APBB2: variants seen among roughly 807,000 people sequenced by gnomAD.
APBB2 encodes amyloid beta precursor protein binding family B member 2.
A neutral mutation model predicts 82.5 loss-of-function variants in APBB2; 38 were observed. That is an observed-to-expected ratio of 0.46 (90% CI 0.36 to 0.60). The LOEUF is 0.60. Among genes scored for constraint, APBB2 ranks in the 20% least tolerant of loss-of-function variants. APBB2 has a pLI of 0.00. For synonymous variants in APBB2, 341 were observed against 368.2 expected (o/e 0.93, Z 0.85); for missense variants, 772 against 972.3 (o/e 0.79, Z 2.74).
At chr4:41,035,856 C>G (rs917625228) in intron 4 of APBB2, among the ~76,000 whole-genome samples, 1 of 152,060 alleles carries the variant, frequency 6.6e-6, no homozygotes, top group African/African-American at 2.4e-5. Flanking sequence ...TAAGTATTAT[C>G]AGTAATCTAG....
At chr4:41,122,722 G>A (rs1405016299) in intron 2 of APBB2, among the ~76,000 whole-genome samples, 2 of 152,150 alleles carry the variant, frequency 1.3e-5, no homozygotes, top group African/African-American at 4.8e-5. Flanking sequence ...ACAAGGCAGA[G>A]GATATATCTT....
At chr4:40,981,957 G>T (rs1209918364) in intron 6 of APBB2, among the ~76,000 whole-genome samples, 2 of 151,882 alleles carry the variant, frequency 1.3e-5, no homozygotes, top group Non-Finnish European at 2.9e-5. Flanking sequence ...AGGCCGAGAA[G>T]GGAGGATCAT....
chr4:40,897,907 T>C (rs1774151623), intron 10 of APBB2, among the ~76,000 whole-genome samples: 1 of 151,956 alleles, frequency 6.6e-6, no homozygotes, highest in African/African-American at 2.4e-5. Flanking sequence ...TCAAAGTATT[T>C]AATCAAGTCA....
chr4:40,890,530 A>C (rs1160944725), intron 11 of APBB2, 39 bp from the exon 12 acceptor site: 1 of 1,610,086 alleles, frequency 6.2e-7, no homozygotes, highest in Non-Finnish European at 8.5e-7. Context: ...TTCTTCATGC[A>C]GGCTGGAAAG....
At chr4:40,823,786 G>T (rs375564627) in intron 15 of APBB2, 27 bp from the exon 16 acceptor site, 31 of 1,517,698 alleles carry the variant, frequency 2.0e-5, no homozygotes, top group Non-Finnish European at 2.7e-5. Context: ...ATAATTTAAA[G>T]TGTCCTAAAG....
intron 2 of APBB2, among the ~76,000 whole-genome samples, chr4:41,112,008 G>A (rs935132706): frequency 6.6e-6 from 1 of 152,222 alleles, no homozygotes; most frequent in African/African-American, 2.4e-5. Context: ...CAGAACCACA[G>A]GAAAGTTGAA....
At chr4:41,092,793 C>A (rs569742466) in intron 3 of APBB2, among the ~76,000 whole-genome samples, 2 of 152,188 alleles carry the variant, frequency 1.3e-5, no homozygotes, top group South Asian at 4.2e-4. Context: ...AAAATATCAC[C>A]GGCCTCTGTT....
intron 10 of APBB2, among the ~76,000 whole-genome samples, chr4:40,896,742 A>C (rs1487315573): frequency 6.6e-6 from 1 of 152,216 alleles, no homozygotes; most frequent in East Asian, 1.9e-4. Context: ...TATTCAGAGC[A>C]GCTCCTTTTA....
intron 1 of APBB2, among the ~76,000 whole-genome samples, chr4:41,164,070 T>G (rs1173252478): frequency 6.6e-6 from 1 of 152,248 alleles, no homozygotes; most frequent in Non-Finnish European, 1.5e-5. Flanking sequence ...TGGAAATATC[T>G]GCATAAGGAA....
chr4:40,947,398 G>A (rs867328951), intron 6 of APBB2, among the ~76,000 whole-genome samples: 20 of 152,188 alleles, frequency 1.3e-4, no homozygotes, highest in East Asian at 3.8e-4. Context: ...AGACATTAGC[G>A]TGTATGAAGA....
chr4:40,934,015 C>T (rs963806807), intron 10 of APBB2, among the ~76,000 whole-genome samples: 6 of 152,136 alleles, frequency 3.9e-5, no homozygotes. Flanking sequence ...CCTAATTATC[C>T]AATCTGTGTT....
At chr4:40,897,069 G>T (rs1297885610) in intron 10 of APBB2, among the ~76,000 whole-genome samples, 1 of 152,182 alleles carries the variant, frequency 6.6e-6, no homozygotes, top group Non-Finnish European at 1.5e-5. Flanking sequence ...AACAAAGAAG[G>T]TAAAAAAGAA....
At chr4:40,834,313 C>T (rs576388379) in intron 12 of APBB2, among the ~76,000 whole-genome samples, 35 of 152,308 alleles carry the variant, frequency 2.3e-4, no homozygotes, top group African/African-American at 8.4e-4. Context: ...CCATTTCACT[C>T]TCATGTAACA....
At chr4:41,023,723 G>A (rs1195896291) in intron 5 of APBB2, among the ~76,000 whole-genome samples, 3 of 152,154 alleles carry the variant, frequency 2.0e-5, no homozygotes, top group Non-Finnish European at 4.4e-5. Flanking sequence ...CTCATGGGTA[G>A]GAAGAATTAA....
intron 12 of APBB2, among the ~76,000 whole-genome samples, chr4:40,846,602 A>C (rs1055773334): frequency 6.6e-6 from 1 of 152,208 alleles, no homozygotes; most frequent in Non-Finnish European, 1.5e-5. Context: ...TCTCTGACCA[A>C]GTGTGCCTTC....
At chr4:41,125,587 C>A (rs1754146389) in intron 2 of APBB2, among the ~76,000 whole-genome samples, 1 of 152,120 alleles carries the variant, frequency 6.6e-6, no homozygotes. Flanking sequence ...CTTGCCCTAC[C>A]CATTTTGAAA....
intron 12 of APBB2, among the ~76,000 whole-genome samples, chr4:40,847,821 T>C (rs532420650): frequency 2.3e-4 from 35 of 152,138 alleles, no homozygotes; most frequent in African/African-American, 8.2e-4. Flanking sequence ...TTTTTTTTTT[T>C]TAAGAGATGG....
At chr4:41,179,438 G>A (rs1770736591) in intron 1 of APBB2, among the ~76,000 whole-genome samples, 1 of 151,994 alleles carries the variant, frequency 6.6e-6, no homozygotes, top group Non-Finnish European at 1.5e-5. Context: ...AACATACACA[G>A]GTAAAGTATC....
chr4:40,861,605 C>A (rs1489094627), intron 12 of APBB2, among the ~76,000 whole-genome samples: 1 of 152,188 alleles, frequency 6.6e-6, no homozygotes, highest in Non-Finnish European at 1.5e-5. Flanking sequence ...TAGATAAACT[C>A]TGAGTCCCTA....
Sources: allele counts gnomAD v4.1 joint callset (sites outside exome capture counted in the v4.1 genomes callset), GRCh38; gene constraint gnomAD v4.1.1; transcripts MANE v1.5; gene names NCBI Gene and HGNC (gene_info 2026-07-23, HGNC 2026-07-21).